Variants in LRRC7 observed in about 807,000 individuals in gnomAD.
LRRC7 encodes the protein leucine rich repeat containing 7.
In LRRC7, 23 loss-of-function variants were observed where a neutral mutation model predicts 175.7. The observed-to-expected ratio is 0.13, with a 90% confidence interval of 0.09 to 0.19. The LOEUF is 0.19. Among genes scored for constraint, LRRC7 ranks in the 10% least tolerant of loss-of-function variants. LRRC7 has a pLI of 1.00. For synonymous variants in LRRC7, 685 were observed against 680.9 expected (o/e 1.01, Z -0.09); for missense variants, 1,354 against 1,904.7 (o/e 0.71, Z 5.38).
At chr1:69,976,105 T>TA (rs1375673930) in intron 8 of LRRC7, among the ~76,000 whole-genome samples, 1 of 152,218 alleles carries the variant, frequency 6.6e-6, no homozygotes, top group African/African-American at 2.4e-5. Flanking sequence ...GTAAGATAGT[T>TA]ATCACCTGAA....
At chr1:69,951,442 A>T (rs1323397009) in intron 8 of LRRC7, among the ~76,000 whole-genome samples, 2 of 152,076 alleles carry the variant, frequency 1.3e-5, no homozygotes, top group Non-Finnish European at 2.9e-5. Context: ...TACTGCTTGT[A>T]TACCCAGAGG....
rs1012977682 is a variant in LRRC7, at chr1:70,039,163, T to C, written c.3339T>C (p.Ala1113=). ...NIAKDLISPR[A]YRGYPPMEQM... is the part of the protein sequence containing the mutation. ...CCAAGGATTTGATTAGTCCTAGAGC[T>C]TACAGAGGATACCCACCGATGGAGC... The change falls in exon 21 of 27, where the codon GCT becomes GCC. Residue 1113 remains alanine, a synonymous_variant. Transcript: ENST00000651989. 3.7e-6 allele frequency: 6 copies of C among 1,614,090 alleles called. No individual in the cohort carries two copies. The Admixed American group carries it at 1.0e-4, about 27-fold the overall frequency.
chr1:69,628,636 A>T (rs1193083821), intron 1 of LRRC7, among the ~76,000 whole-genome samples: 1 of 152,154 alleles, frequency 6.6e-6, no homozygotes, highest in Non-Finnish European at 1.5e-5. Context: ...TTTGAAGTTT[A>T]TGTGAACAGG....
intron 1 of LRRC7, among the ~76,000 whole-genome samples, chr1:69,610,508 T>C (rs1056275538): frequency 1.5e-4 from 23 of 152,056 alleles, no homozygotes; most frequent in African/African-American, 5.5e-4. Flanking sequence ...TCTATGTCTA[T>C]GATTACTAGT....
intron 17 of LRRC7, among the ~76,000 whole-genome samples, chr1:70,025,110 A>C (rs1223431562): frequency 6.6e-6 from 1 of 152,062 alleles, no homozygotes; most frequent in Admixed American, 6.6e-5. Context: ...TCTACTAGCT[A>C]TGTAATCTTA....
chr1:69,791,009 T>C (rs1675047854), intron 3 of LRRC7, among the ~76,000 whole-genome samples: 2 of 151,966 alleles, frequency 1.3e-5, no homozygotes, highest in African/African-American at 4.8e-5. Flanking sequence ...AATAACGAAT[T>C]ACATGGGAGA....
At chr1:69,994,858 A>G (rs1483816754) in intron 11 of LRRC7, among the ~76,000 whole-genome samples, 1 of 152,028 alleles carries the variant, frequency 6.6e-6, no homozygotes, top group East Asian at 1.9e-4. Context: ...AGAAATGTTT[A>G]CCCATGAATC....
At chr1:70,060,349 A>C (rs2102082088) in intron 23 of LRRC7, among the ~76,000 whole-genome samples, 1 of 152,214 alleles carries the variant, frequency 6.6e-6, no homozygotes, top group Middle Eastern at 3.4e-3. Flanking sequence ...AAAATCATTA[A>C]ATTACAGTCA....
chr1:70,071,250 A>G (rs183255892), intron 23 of LRRC7, among the ~76,000 whole-genome samples: 21 of 152,246 alleles, frequency 1.4e-4, no homozygotes, highest in African/African-American at 5.1e-4. Flanking sequence ...CAAGTCTGTG[A>G]TATATGACAC....
intron 21 of LRRC7, among the ~76,000 whole-genome samples, chr1:70,042,933 A>G (rs1660035449): frequency 6.6e-6 from 1 of 152,122 alleles, no homozygotes; most frequent in African/African-American, 2.4e-5. Context: ...TAGAATAGCT[A>G]CCTGCTGCTA....
intron 5 of LRRC7, among the ~76,000 whole-genome samples, chr1:69,833,142 A>C (rs1185136258): frequency 6.6e-6 from 1 of 152,102 alleles, no homozygotes; most frequent in Non-Finnish European, 1.5e-5. Context: ...TGTTCATTAG[A>C]AGGAAAATGT....
rs374276713 is a variant in LRRC7 at position 69,787,668 on chromosome 1, G to T, written c.304-4375G>T. 7.9e-5 allele frequency among the ~76,000 whole-genome samples: 12 copies of T among 152,296 alleles called. No homozygotes were observed. The East Asian group carries it at 2.3e-3, about 29-fold the overall frequency. ...CTTTCTGCACATAGCACGGGGCCCT[G>T]GGCCTGTGGTGGGAGAGGCTGCCGC... is the stretch of plus-strand genomic sequence containing the variant. On this transcript the variant is annotated intron_variant, in intron 3 of 26. Transcript: ENST00000651989.
chr1:69,830,020 C>A (rs1680350963), intron 5 of LRRC7, among the ~76,000 whole-genome samples: 1 of 151,804 alleles, frequency 6.6e-6, no homozygotes. Flanking sequence ...ATGTCTTAAA[C>A]TTTTAGATAC....
At chr1:69,941,859 G>A (rs1194543392) in intron 8 of LRRC7, among the ~76,000 whole-genome samples, 1 of 151,964 alleles carries the variant, frequency 6.6e-6, no homozygotes, top group Admixed American at 6.6e-5. Flanking sequence ...ATTTTCTTTG[G>A]AGATTATAGA....
chr1:69,605,595 T>C (rs2101010724), intron 1 of LRRC7, among the ~76,000 whole-genome samples: 1 of 152,294 alleles, frequency 6.6e-6, no homozygotes, highest in South Asian at 2.1e-4. Flanking sequence ...TGGATAATCA[T>C]GATTGATGCT....
chr1:69,808,475 C>G (rs932138327), intron 4 of LRRC7, among the ~76,000 whole-genome samples: 22 of 152,090 alleles, frequency 1.4e-4, no homozygotes, highest in Non-Finnish European at 1.5e-4. Flanking sequence ...CTCAGCACCA[C>G]ATTGCACTTA....
At position 70,136,721 on chromosome 1, in the gene LRRC7, C is replaced by CTTTTTTTTTTTTTTTTTTTTTTTTTTGTT. The variant is rs1204650835; in HGVS notation, c.*14858_*14859insTTGTTTTTTTTTTTTTTTTTTTTTTTTTT. Among the ~76,000 whole-genome samples the CTTTTTTTTTTTTTTTTTTTTTTTTTTGTT allele has an allele frequency of 1.0e-5, 1 of 98,352 alleles. No homozygotes were observed. Among genetic ancestry groups the CTTTTTTTTTTTTTTTTTTTTTTTTTTGTT allele is most frequent in the Non-Finnish European group, 2.0e-5 (1 of 50,374 alleles). The allele number at this position is 98,352 out of a possible 152,430, so 64.5% of individuals were successfully genotyped here. On this transcript the variant is annotated 3_prime_UTR_variant, in exon 27 of 27. Transcript: ENST00000651989. ...TTCTGCTTTATTGCTTTTTTAATGC[C>CTTTTTTTTTTTTTTTTTTTTTTTTTTGTT]TTTTTTTTTTTTTTTTTTTTTTTTC...
chr1:69,747,625 C>T (rs1669397194), intron 2 of LRRC7, among the ~76,000 whole-genome samples: 1 of 152,108 alleles, frequency 6.6e-6, no homozygotes, highest in African/African-American at 2.4e-5. Flanking sequence ...TGCCTTTCAT[C>T]ATTTTCTAAA....
At chr1:69,986,421 T>G (rs1475969865) in intron 10 of LRRC7, 35 bp downstream of exon 10, 1 of 1,573,658 alleles carries the variant, frequency 6.4e-7, no homozygotes. Context: ...AATATTTATG[T>G]CAAATATACC....
Sources: gnomAD v4.1 joint callset for allele counts (sites outside exome capture counted in the v4.1 genomes callset) on GRCh38, gnomAD v4.1.1 for gene constraint, MANE v1.5 for transcripts, NCBI Gene and HGNC (gene_info 2026-07-23, HGNC 2026-07-21) for gene names.